Variants in PPARGC1A observed in about 807,000 individuals in gnomAD.
PPARGC1A encodes the protein peroxisome proliferator-activated receptor gamma coactivator 1-alpha.
Under a neutral mutation model 88.7 loss-of-function variants are expected in PPARGC1A, and 25 were observed. The observed-to-expected ratio is 0.28, with a 90% CI of 0.21 to 0.39. The LOEUF (loss-of-function observed/expected upper bound fraction) is 0.39. PPARGC1A is among the 10% of genes least tolerant of loss of function. PPARGC1A has a pLI of 1.00. For synonymous variants in PPARGC1A, 363 were observed against 355.6 expected, an observed-to-expected ratio of 1.02 and a Z score of -0.24; for missense variants, 880 against 968.7, an observed-to-expected ratio of 0.91 and a Z score of 1.22.
At chr4:24,339,212 GTATATATATA>G in the PPARGC1A span, among the ~76,000 whole-genome samples, 62 of 59,086 alleles carry the variant, frequency 1.0e-3, no homozygotes, top group South Asian at 8.4e-3. Flanking sequence ...GTGTGTGTGT[GTATATATATA>G]TATATATATA....
At chr4:23,849,438 G>A (rs1256103538) in intron 2 of PPARGC1A, among the ~76,000 whole-genome samples, 2 of 152,104 alleles carry the variant, frequency 1.3e-5, no homozygotes, top group South Asian at 2.1e-4. Flanking sequence ...ATTGACTATC[G>A]CATAGCTGAT....
At chr4:24,237,574 C>G in the PPARGC1A span, among the ~76,000 whole-genome samples, 2 of 152,158 alleles carry the variant, frequency 1.3e-5, no homozygotes, top group East Asian at 3.9e-4. Flanking sequence ...CCGTAATGGC[C>G]AATTTAGCTA....
the PPARGC1A span, among the ~76,000 whole-genome samples, chr4:24,359,839 C>G: frequency 6.6e-6 from 1 of 152,166 alleles, no homozygotes; most frequent in East Asian, 1.9e-4. Context: ...ATGACCCTGC[C>G]AATACCTTAG....
At chr4:24,312,495 A>G in the PPARGC1A span, among the ~76,000 whole-genome samples, 8 of 152,254 alleles carry the variant, frequency 5.3e-5, no homozygotes, top group Non-Finnish European at 1.0e-4. Flanking sequence ...AAGAATCAAC[A>G]AAGAAGACAG....
the PPARGC1A span, among the ~76,000 whole-genome samples, chr4:23,920,958 C>T: frequency 6.6e-6 from 1 of 151,696 alleles, no homozygotes; most frequent in Non-Finnish European, 1.5e-5. Context: ...TGGGCTTGCC[C>T]GTCCAGTAAA....
At chr4:23,907,766 TCTC>T (rs1426610203), upstream of PPARGC1A, among the ~76,000 whole-genome samples, 2 of 152,184 alleles carry the variant, frequency 1.3e-5, no homozygotes, top group African/African-American at 2.4e-5. Context: ...AGCTTTCTGT[TCTC>T]CTAACCTTTC....
At chr4:24,259,613 G>A in the PPARGC1A span, among the ~76,000 whole-genome samples, 2 of 152,146 alleles carry the variant, frequency 1.3e-5, no homozygotes, top group African/African-American at 4.8e-5. Context: ...AAAGTATTTA[G>A]TACAGTTACA....
At chr4:24,390,467 TC>T in the PPARGC1A span, among the ~76,000 whole-genome samples, 2 of 152,022 alleles carry the variant, frequency 1.3e-5, no homozygotes, top group Admixed American at 1.3e-4. Flanking sequence ...CACCCTAAAT[TC>T]CACAACCCCA....
chr4:23,868,156 C>T (rs1221083584), intron 2 of PPARGC1A, among the ~76,000 whole-genome samples: 1 of 152,114 alleles, frequency 6.6e-6, no homozygotes, highest in Non-Finnish European at 1.5e-5. Flanking sequence ...AGAGTAAATG[C>T]TCTATGTCTT....
the PPARGC1A span, among the ~76,000 whole-genome samples, chr4:24,017,079 G>A: frequency 0.015 from 2,276 of 152,278 alleles, 48 homozygotes; most frequent in African/African-American, 0.052. Context: ...GCAGAGCTGC[G>A]ATGTATTGGA....
At chr4:24,324,679 T>C in the PPARGC1A span, among the ~76,000 whole-genome samples, 1 of 152,160 alleles carries the variant, frequency 6.6e-6, no homozygotes, top group African/African-American at 2.4e-5. Flanking sequence ...TCCTACAAGA[T>C]TTAAATAATT....
chr4:24,028,097 C>T, the PPARGC1A span, among the ~76,000 whole-genome samples: 1 of 145,886 alleles, frequency 6.9e-6, no homozygotes, highest in Non-Finnish European at 1.5e-5. Context: ...TAACACCAGG[C>T]ATTGGACCCC....
chr4:24,053,525 A>G, the PPARGC1A span, among the ~76,000 whole-genome samples: 1 of 152,310 alleles, frequency 6.6e-6, no homozygotes, highest in African/African-American at 2.4e-5. Flanking sequence ...AGTCAGACAG[A>G]GTCCATCTAC....
the PPARGC1A span, among the ~76,000 whole-genome samples, chr4:23,968,684 G>T: frequency 1.6e-4 from 24 of 152,240 alleles, no homozygotes; most frequent in East Asian, 4.2e-3. Flanking sequence ...GGAGGCCACG[G>T]CAGGAGGATC....
intron 2 of PPARGC1A, among the ~76,000 whole-genome samples, chr4:23,838,907 T>TA (rs35695071): frequency 0.64 from 96,591 of 151,898 alleles, 31,048 homozygotes; most frequent in Admixed American, 0.72. Context: ...TAGTTGACTA[T>TA]AAAAAAATGT....
the PPARGC1A span, among the ~76,000 whole-genome samples, chr4:23,938,536 A>G: frequency 6.6e-6 from 1 of 152,224 alleles, no homozygotes; most frequent in Non-Finnish European, 1.5e-5. Flanking sequence ...AAGATGTACA[A>G]TGATGGAGAG....
intron 2 of PPARGC1A, among the ~76,000 whole-genome samples, chr4:23,841,519 TTTC>T (rs1301858154): frequency 1.1e-4 from 16 of 152,150 alleles, no homozygotes; most frequent in African/African-American, 3.6e-4. Context: ...GTGTGTTAAC[TTTC>T]TTATCATAAA....
At chr4:24,201,298 T>C in the PPARGC1A span, among the ~76,000 whole-genome samples, 1 of 152,228 alleles carries the variant, frequency 6.6e-6, no homozygotes, top group Non-Finnish European at 1.5e-5. Flanking sequence ...TAAACAGTCA[T>C]GTTATGACTT....
At chr4:23,906,607 CAAAA>C (rs35171233), upstream of PPARGC1A, among the ~76,000 whole-genome samples, 2 of 63,716 alleles carry the variant, frequency 3.1e-5, no homozygotes, top group African/African-American at 4.3e-5. Flanking sequence ...CTCTGTCTCA[CAAAA>C]AAAAAAAAAA....
Sources: allele counts gnomAD v4.1 joint callset (sites outside exome capture counted in the v4.1 genomes callset), GRCh38; gene constraint gnomAD v4.1.1; transcripts MANE v1.5; gene names NCBI Gene and HGNC (gene_info 2026-07-23, HGNC 2026-07-21).